Variants in STPG2 observed in about 807,000 individuals in gnomAD.
STPG2 encodes sperm tail PG-rich repeat containing 2.
STPG2 carries 56 observed loss-of-function variants against 54.2 expected under a neutral mutation model. That is an observed-to-expected ratio of 1.03 (90% CI 0.83 to 1.29). The LOEUF (loss-of-function observed/expected upper bound fraction) is 1.29. Ranked by LOEUF, STPG2 falls within the 50% of genes most tolerant of loss-of-function variation. The pLI is 0.00. For missense variants in STPG2, 596 were observed against 544.9 expected, an observed-to-expected ratio of 1.09 and a Z score of -0.93; for synonymous variants, 200 against 181.8, an observed-to-expected ratio of 1.10 and a Z score of -0.81.
intron 7 of STPG2, among the ~76,000 whole-genome samples, chr4:97,968,921 G>C (rs1213208403): frequency 6.6e-6 from 1 of 152,236 alleles, no homozygotes; most frequent in African/African-American, 2.4e-5. Context: ...CGGATGTGCA[G>C]TCAGGGAGGT....
intron 10 of STPG2, among the ~76,000 whole-genome samples, chr4:97,684,345 A>C (rs1403209355): frequency 6.6e-6 from 1 of 151,964 alleles, no homozygotes. Flanking sequence ...CTAACTATAA[A>C]GTATAAAGCT....
At chr4:98,013,268 T>C (rs1357359118) in intron 5 of STPG2, among the ~76,000 whole-genome samples, 2 of 152,254 alleles carry the variant, frequency 1.3e-5, no homozygotes, top group African/African-American at 2.4e-5. Context: ...CATTTGCATA[T>C]GTTAAAGCAG....
intron 5 of STPG2, among the ~76,000 whole-genome samples, chr4:97,999,415 G>C (rs1380031065): frequency 6.6e-6 from 1 of 152,062 alleles, no homozygotes; most frequent in Non-Finnish European, 1.5e-5. Flanking sequence ...AGAGAAACCA[G>C]GGCAAGGCCA....
chr4:98,060,832 CA>C (rs1737628580), intron 5 of STPG2, among the ~76,000 whole-genome samples: 1 of 152,090 alleles, frequency 6.6e-6, no homozygotes, highest in South Asian at 2.1e-4. Flanking sequence ...CTCCCCTTTT[CA>C]ATTAATGGTA....
intron 4 of STPG2, among the ~76,000 whole-genome samples, chr4:97,511,421 G>C (rs561912551): frequency 1.3e-5 from 2 of 152,002 alleles, no homozygotes; most frequent in Non-Finnish European, 2.9e-5. Flanking sequence ...ACAATCCTGA[G>C]TTTCTTTGTA....
At chr4:98,089,051 T>G (rs1254518619) in intron 5 of STPG2, among the ~76,000 whole-genome samples, 1 of 152,108 alleles carries the variant, frequency 6.6e-6, no homozygotes, top group African/African-American at 2.4e-5. Flanking sequence ...ATTCTAATCC[T>G]GCCATTTTTT....
intron 10 of STPG2, among the ~76,000 whole-genome samples, chr4:97,623,013 T>C (rs1734051119): frequency 6.6e-6 from 1 of 151,874 alleles, no homozygotes; most frequent in Non-Finnish European, 1.5e-5. Context: ...AAACAAGCAA[T>C]AGAGAAAGGA....
At chr4:97,680,377 C>A (rs1254367043) in intron 10 of STPG2, among the ~76,000 whole-genome samples, 3 of 151,852 alleles carry the variant, frequency 2.0e-5, no homozygotes, top group African/African-American at 7.3e-5. Context: ...GTATTTTATT[C>A]TCGTTGAAGC....
chr4:98,013,855 T>C (rs1029349473), intron 5 of STPG2, among the ~76,000 whole-genome samples: 5 of 152,074 alleles, frequency 3.3e-5, no homozygotes, highest in Non-Finnish European at 5.9e-5. Context: ...CATTCTTCTC[T>C]CTTTTCTTCT....
chr4:97,734,435 A>G (rs935318062), intron 9 of STPG2, among the ~76,000 whole-genome samples: 11 of 152,130 alleles, frequency 7.2e-5, no homozygotes, highest in Non-Finnish European at 1.2e-4. Flanking sequence ...CCACTCTCCA[A>G]TGGGCCCCAG....
At chr4:97,648,572 AG>A (rs1378575336) in intron 10 of STPG2, among the ~76,000 whole-genome samples, 3 of 152,146 alleles carry the variant, frequency 2.0e-5, no homozygotes, top group Non-Finnish European at 4.4e-5. Context: ...AAATGAACAT[AG>A]GCTTTGAAGT....
chr4:98,002,255 T>C lies in STPG2; in HGVS notation c.613-20937A>G, dbSNP rs552183753. Among the ~76,000 whole-genome samples, 12 of 152,200 alleles carry C rather than the reference T, an allele frequency of 7.9e-5. No homozygotes were observed. In the South Asian group the frequency reaches 2.5e-3, roughly 32 times the overall value. The stretch of plus-strand genomic sequence containing the variant: ...AAAAGGGCCCAATTACTCATATTTA[T>C]TTAAGTAAATTATTATGTGGTAATA... On this transcript the variant is annotated intron_variant, in intron 5 of 10. Coordinates refer to ENST00000295268, the MANE Select transcript of STPG2 (RefSeq NM_174952.3).
intron 9 of STPG2, among the ~76,000 whole-genome samples, chr4:97,822,825 C>A (rs1172479575): frequency 1.3e-5 from 2 of 152,202 alleles, no homozygotes; most frequent in Non-Finnish European, 2.9e-5. Context: ...ATGACCCAAA[C>A]TCTTCCCACC....
chr4:97,830,407 C>G (rs918937940), intron 9 of STPG2, among the ~76,000 whole-genome samples: 7 of 152,250 alleles, frequency 4.6e-5, no homozygotes, highest in Admixed American at 3.3e-4. Context: ...TCAGTACCAA[C>G]CACTGCAAAA....
intron 4 of STPG2, among the ~76,000 whole-genome samples, chr4:97,492,610 T>C (rs1310537051): frequency 1.3e-5 from 2 of 151,264 alleles, no homozygotes; most frequent in Non-Finnish European, 3.0e-5. Flanking sequence ...AGAATGTGAA[T>C]TGTAGTCAGT....
At chr4:97,744,896 G>A (rs1725375238) in intron 9 of STPG2, among the ~76,000 whole-genome samples, 1 of 151,108 alleles carries the variant, frequency 6.6e-6, no homozygotes, top group African/African-American at 2.4e-5. Context: ...AAATTACAAG[G>A]CTCAAATGGA....
intron 4 of STPG2, among the ~76,000 whole-genome samples, chr4:97,537,465 A>T (rs1465505424): frequency 6.6e-6 from 1 of 152,190 alleles, no homozygotes; most frequent in Non-Finnish European, 1.5e-5. Context: ...GCAGTCTGAG[A>T]TCGAACTGCA....
At chr4:97,925,893 A>C (rs1342250320) in intron 8 of STPG2, among the ~76,000 whole-genome samples, 1 of 152,140 alleles carries the variant, frequency 6.6e-6, no homozygotes, top group African/African-American at 2.4e-5. Flanking sequence ...GCAAGCTTTC[A>C]AATTTTAGTA....
intron 10 of STPG2, among the ~76,000 whole-genome samples, chr4:97,562,436 C>T (rs1280002842): frequency 6.6e-6 from 1 of 152,066 alleles, no homozygotes; most frequent in Non-Finnish European, 1.5e-5. Context: ...CCTTTATTTC[C>T]TTCTCCTGCC....
Sources: allele counts gnomAD v4.1 joint callset (sites outside exome capture counted in the v4.1 genomes callset), GRCh38; gene constraint gnomAD v4.1.1; transcripts MANE v1.5; gene names NCBI Gene and HGNC (gene_info 2026-07-23, HGNC 2026-07-21).